The following CLCN5 variants were observed in gnomAD, a reference collection of about 807,000 sequenced individuals.
CLCN5 encodes H(+)/Cl(-) exchange transporter 5.
A neutral mutation model predicts 54.0 loss-of-function variants in CLCN5; 17 were observed. The observed-to-expected ratio is 0.31, with a 90% CI of 0.22 to 0.47. The LOEUF is 0.47. Ranked by LOEUF, CLCN5 falls within the 20% of genes least tolerant of loss-of-function variation. The pLI, the probability that CLCN5 is intolerant of heterozygous loss-of-function variation, is 1.00. For synonymous variants in CLCN5, 222 were observed against 233.0 expected (o/e 0.95, Z 0.43); for missense variants, 448 against 646.7 (o/e 0.69, Z 3.33).
At chrX:50,064,971 A>G (rs1275019445) in intron 4 of CLCN5, among the ~76,000 whole-genome samples, 1 of 111,515 alleles carries the variant, frequency 9.0e-6, no homozygotes, top group Non-Finnish European at 1.9e-5. Flanking sequence ...TAGAAAGCTG[A>G]AACTGGATCC....
At chrX:49,997,441 A>G (rs1422039396) in intron 3 of CLCN5, among the ~76,000 whole-genome samples, 1 of 110,706 alleles carries the variant, frequency 9.0e-6, no homozygotes, top group Non-Finnish European at 1.9e-5. Flanking sequence ...CCTTACCTCA[A>G]TACCTCCTCA....
intron 3 of CLCN5, among the ~76,000 whole-genome samples, chrX:49,994,129 GAGAA>G (rs1569538215): frequency 8.9e-6 from 1 of 111,969 alleles, no homozygotes; most frequent in South Asian, 3.7e-4. Context: ...AGAATTTGGG[GAGAA>G]AGAAATCTGC....
At chrX:50,076,943 C>T (rs1933426992) in intron 7 of CLCN5, among the ~76,000 whole-genome samples, 1 of 111,938 alleles carries the variant, frequency 8.9e-6, no homozygotes, top group African/African-American at 3.2e-5. Flanking sequence ...CAAAAGCACA[C>T]AAAGCAAAAA....
intron 4 of CLCN5, among the ~76,000 whole-genome samples, chrX:50,056,038 G>T (rs1253875626): frequency 9.3e-6 from 1 of 107,197 alleles, no homozygotes; most frequent in Non-Finnish European, 1.9e-5. Context: ...TCCCACATGA[G>T]ATATATATAT....
At position 50,000,551 on chromosome X, in the gene CLCN5, G is replaced by A. The variant is rs968865832; in HGVS notation, c.17-41765G>A. The stretch of plus-strand genomic sequence containing the variant: ...TGTGCCAAGGATGTGCCAGAAAGTG[G>A]GTCCTTATCATTTTCAGTTCTCATA... On this transcript the variant is annotated intron_variant, in intron 3 of 14. Transcript: ENST00000376091. Among the ~76,000 whole-genome samples, 3 of 111,193 alleles carry A rather than the reference G, an allele frequency of 2.7e-5. No individual in the cohort carries two copies. In the Admixed American group the frequency reaches 2.9e-4, roughly 11 times the overall value.
intron 3 of CLCN5, among the ~76,000 whole-genome samples, chrX:50,001,234 C>G (rs1439540845): frequency 9.0e-6 from 1 of 110,938 alleles, no homozygotes; most frequent in Admixed American, 9.6e-5. Context: ...TCCCCCTCTC[C>G]TTACTGCATC....
intron 3 of CLCN5, among the ~76,000 whole-genome samples, chrX:50,022,980 A>T (rs1380062963): frequency 1.2e-5 from 1 of 83,064 alleles, no homozygotes; most frequent in Non-Finnish European, 2.1e-5. Context: ...AGTTCTGTAG[A>T]TGTCTATTAG....
chrX:50,046,686 G>A (rs782795736), intron 4 of CLCN5, among the ~76,000 whole-genome samples: 1 of 111,514 alleles, frequency 9.0e-6, no homozygotes, highest in South Asian at 3.8e-4. Flanking sequence ...AAAAGCAGAG[G>A]AATGATATGA....
intron 3 of CLCN5, among the ~76,000 whole-genome samples, chrX:49,998,497 C>T (rs1354971358): frequency 1.8e-5 from 2 of 111,924 alleles, no homozygotes; most frequent in Admixed American, 1.9e-4. Context: ...TGCAGATAAA[C>T]AAGCCTTCTA....
intron 3 of CLCN5, among the ~76,000 whole-genome samples, chrX:50,030,415 A>G (rs995067705): frequency 4.5e-5 from 5 of 111,730 alleles, no homozygotes; most frequent in Non-Finnish European, 9.4e-5. Context: ...CTCCTAATTT[A>G]TGAGTTCATA....
chrX:50,003,543 T>C (rs1557180924), intron 3 of CLCN5: 1 of 378,800 alleles, frequency 2.6e-6, no homozygotes, highest in African/African-American at 2.6e-5. Flanking sequence ...GAGGGTGAGC[T>C]TTCTGAAAAC....
At chrX:50,013,670 A>C (rs113268982) in intron 3 of CLCN5, among the ~76,000 whole-genome samples, 6,838 of 112,068 alleles carry the variant, frequency 0.061, 548 homozygotes, top group African/African-American at 0.21. Context: ...CTTGCCACAC[A>C]CACTCAGATG....
At chrX:50,004,927 G>T (rs1557181175) in intron 3 of CLCN5, among the ~76,000 whole-genome samples, 2 of 111,160 alleles carry the variant, frequency 1.8e-5, no homozygotes, top group Non-Finnish European at 3.8e-5. Context: ...AAAAAAAATT[G>T]CCAACAATTT....
At chrX:50,008,482 A>G (rs782355787) in intron 3 of CLCN5, 45 of 361,366 alleles carry the variant, frequency 1.2e-4, no homozygotes, top group Admixed American at 9.7e-4. Flanking sequence ...TCTGAATGCA[A>G]TGCACCTGGG....
At chrX:50,060,589 C>A (rs1318884059) in intron 4 of CLCN5, among the ~76,000 whole-genome samples, 1 of 109,639 alleles carries the variant, frequency 9.1e-6, no homozygotes, top group African/African-American at 3.3e-5. Context: ...GAGGGGCGCC[C>A]GCCATTGCCC....
In CLCN5 at chrX:50,042,434, T is replaced by A; in HGVS notation, c.135T>A (p.Asp45Glu). Residue 45 changes from aspartate (D) to glutamate (E), a missense_variant, in exon 4 of 15, where the codon GAT becomes GAA. Around this residue, in one of 5 missense-constraint regions of CLCN5, gnomAD observed 69 missense variants for 60.9 expected, o/e 1.13. Coordinates refer to ENST00000376091, the MANE Select transcript of CLCN5 (RefSeq NM_001127898.4). ...ATAMDFSMRD[D>E]VPPLDREVGE... ...CTATGGATTTCTCCATGAGAGATGATGTTCCTCCCTTAGACCGAGAAGTAG... is the reference window on the plus strand; with the variant it reads ...CTATGGATTTCTCCATGAGAGATGAAGTTCCTCCCTTAGACCGAGAAGTAG... 1 of 1,116,502 alleles carries A rather than the reference T, an allele frequency of 9.0e-7. No homozygotes were observed. The highest frequency in any genetic ancestry group is 1.2e-6 in the Non-Finnish European group (1 of 837,767). 92.0% of individuals were successfully genotyped at this position (1,116,502 alleles called of 1,213,427 possible). A position where few individuals can be genotyped will look rare whatever the true frequency, so the allele number is the denominator to read the frequency against.
At chrX:50,050,200 CAAGT>C (rs1489983927) in intron 4 of CLCN5, 2 of 111,860 alleles carry the variant, frequency 1.8e-5, no homozygotes, top group African/African-American at 3.3e-5. Context: ...ATTTTCAAAT[CAAGT>C]AAGTAAGTAT....
intron 3 of CLCN5, among the ~76,000 whole-genome samples, chrX:49,995,861 G>A (rs1459299748): frequency 4.5e-5 from 5 of 111,694 alleles, no homozygotes; most frequent in African/African-American, 1.6e-4. Context: ...AAATATGAGA[G>A]TTTCATATTA....
At chrX:50,067,330 C>T (rs1195322105) in intron 4 of CLCN5, among the ~76,000 whole-genome samples, 6 of 111,380 alleles carry the variant, frequency 5.4e-5, no homozygotes, top group Admixed American at 9.6e-5. Context: ...CTTAGGACCC[C>T]TGTAACTCTA....
Sources: allele counts gnomAD v4.1 joint callset (sites outside exome capture counted in the v4.1 genomes callset), GRCh38; gene constraint gnomAD v4.1.1; regional missense constraint gnomAD v4.1.1; transcripts MANE v1.5; gene names NCBI Gene and HGNC (gene_info 2026-07-23, HGNC 2026-07-21).